Variants in CECR2 observed in about 807,000 individuals in gnomAD.
CECR2 encodes the protein CECR2 histone acetyl-lysine reader.
In CECR2, 30 loss-of-function variants were observed where a neutral mutation model predicts 154.5. The observed-to-expected ratio is 0.19, with a 90% CI of 0.15 to 0.26. The LOEUF (loss-of-function observed/expected upper bound fraction) is 0.26. CECR2 is among the 10% of genes least tolerant of loss of function. The probability of loss-of-function intolerance (pLI) is 1.00; values close to 1 mark genes in which losing one functional copy is unlikely to be tolerated. For synonymous variants in CECR2, 725 were observed against 683.7 expected, an observed-to-expected ratio of 1.06 and a Z score of -0.94; for missense variants, 1,743 against 1,829.3, an observed-to-expected ratio of 0.95 and a Z score of 0.86.
Position 17,515,820 on chromosome 22 carries a change from C to T in CECR2, c.954+3924C>T, listed in dbSNP as rs541602012. ...CCTCCCAAGTAGCTGGGACTACAGG[C>T]GCCCGCCACCACGCCCGGCTAATTC... On this transcript the variant is annotated intron_variant, in intron 8 of 18. Coordinates refer to ENST00000262608, the MANE Select transcript of CECR2 (RefSeq NM_001290047.2). Among the ~76,000 whole-genome samples the T allele has an allele frequency of 8.6e-4, 131 of 152,194 alleles. 1 individual carries two copies. Among genetic ancestry groups the T allele is most frequent in the African/African-American group, 2.9e-3 (122 of 41,500 alleles).
At chr22:17,461,142 A>G (rs2054931589) in intron 1 of CECR2, among the ~76,000 whole-genome samples, 1 of 152,180 alleles carries the variant, frequency 6.6e-6, no homozygotes, top group Non-Finnish European at 1.5e-5. Context: ...ATTTGTAGAA[A>G]TGGGACGTTC....
At chr22:17,390,534 A>G (rs954576755) in intron 1 of CECR2, among the ~76,000 whole-genome samples, 1 of 152,226 alleles carries the variant, frequency 6.6e-6, no homozygotes. Flanking sequence ...TGCCTGAATC[A>G]GTGATTACAT....
intron 1 of CECR2, among the ~76,000 whole-genome samples, chr22:17,445,797 T>C (rs953905341): frequency 2.6e-5 from 4 of 152,012 alleles, no homozygotes; most frequent in African/African-American, 4.8e-5. Context: ...TTTGCCATGT[T>C]GGCCAGGCTG....
rs576076201 is a variant in CECR2 at position 17,515,591 on chromosome 22, C to A, written c.954+3695C>A. On this transcript the variant is annotated intron_variant, in intron 8 of 18. Coordinates refer to ENST00000262608, the MANE Select transcript of CECR2 (RefSeq NM_001290047.2). ...ATACATTTCAAGAATTGTTTAAATT[C>A]TGATACCCAGATTTAAGCGTGTGAA... 2.0e-5 allele frequency among the ~76,000 whole-genome samples: 3 copies of A among 152,166 alleles called. 1 individual carries two copies. Among genetic ancestry groups the A allele is most frequent in the African/African-American group, 7.2e-5 (3 of 41,512 alleles).
chr22:17,486,551 G>C (rs2055424481), intron 2 of CECR2, among the ~76,000 whole-genome samples: 1 of 152,206 alleles, frequency 6.6e-6, no homozygotes, highest in South Asian at 2.1e-4. Context: ...AGCCCACATG[G>C]CTGGGAACGC....
At chr22:17,422,437 A>T (rs986427687) in intron 1 of CECR2, among the ~76,000 whole-genome samples, 1 of 152,112 alleles carries the variant, frequency 6.6e-6, no homozygotes, top group Non-Finnish European at 1.5e-5. Flanking sequence ...GACCTCACTC[A>T]GGTGATCCGC....
At chr22:17,478,139 G>A (rs908372692) in intron 2 of CECR2, among the ~76,000 whole-genome samples, 5 of 152,052 alleles carry the variant, frequency 3.3e-5, no homozygotes, top group African/African-American at 7.2e-5. Context: ...GTGATGTATG[G>A]AGACAAATAA....
intron 1 of CECR2, among the ~76,000 whole-genome samples, chr22:17,434,139 T>G (rs1350843457): frequency 1.3e-5 from 2 of 152,058 alleles, no homozygotes; most frequent in Non-Finnish European, 2.9e-5. Flanking sequence ...TTTCTGTCCA[T>G]GAGGGTAAAA....
intron 1 of CECR2, among the ~76,000 whole-genome samples, chr22:17,431,915 A>G (rs1241419750): frequency 6.6e-6 from 1 of 152,122 alleles, no homozygotes; most frequent in Admixed American, 6.6e-5. Flanking sequence ...TCAACACCCC[A>G]AACCTTTCAG....
rs1159139123 is a variant in CECR2, at chr22:17,543,721, G to GGCTAATTTTTATA, written c.2860+719_2860+731dup. Among the ~76,000 whole-genome samples, 12 of 151,566 alleles carry GGCTAATTTTTATA rather than the reference G, an allele frequency of 7.9e-5. No individual in the cohort carries two copies. The East Asian group carries it at 2.1e-3, about 27-fold the overall frequency. Reference sequence around the variant, plus strand: ...ATTACAGATGCATGCCACCACACCCGGCTAATTTTTATATTTTTAGTACAG... The same window carrying GGCTAATTTTTATA: ...ATTACAGATGCATGCCACCACACCCGGCTAATTTTTATAGCTAATTTTTATATTTTTAGTACAG... On this transcript the variant is annotated intron_variant, in intron 16 of 18. Coordinates refer to ENST00000262608, the MANE Select transcript of CECR2 (RefSeq NM_001290047.2).
At chr22:17,546,337 A>G (rs529785735) in intron 16 of CECR2, among the ~76,000 whole-genome samples, 1 of 151,902 alleles carries the variant, frequency 6.6e-6, no homozygotes, top group Admixed American at 6.6e-5. Flanking sequence ...AATACAAAAA[A>G]TTAGCCAGCA....
intron 1 of CECR2, among the ~76,000 whole-genome samples, chr22:17,470,392 CAAAAA>C (rs5844313): frequency 1.0e-5 from 1 of 99,842 alleles, no homozygotes; most frequent in Admixed American, 1.1e-4. Flanking sequence ...GACTCCGTCT[CAAAAA>C]AAAAAAAAAA....
intron 1 of CECR2, among the ~76,000 whole-genome samples, chr22:17,429,571 G>GA (rs2054390194): frequency 7.0e-6 from 1 of 141,868 alleles, no homozygotes; most frequent in Non-Finnish European, 1.5e-5. Flanking sequence ...GAAAAGAAAA[G>GA]AAAAAAGAGA....
At chr22:17,386,094 T>C (rs1164844606) in intron 1 of CECR2, among the ~76,000 whole-genome samples, 1 of 152,210 alleles carries the variant, frequency 6.6e-6, no homozygotes, top group Non-Finnish European at 1.5e-5. Flanking sequence ...CATACGGTGG[T>C]ACCACTCATG....
chr22:17,406,888 G>A (rs952488832), intron 1 of CECR2, among the ~76,000 whole-genome samples: 2 of 152,082 alleles, frequency 1.3e-5, no homozygotes, highest in African/African-American at 4.8e-5. Flanking sequence ...TTACTGCCTG[G>A]CATGCCTGGG....
At chr22:17,477,850 T>G (rs1197126802) in intron 2 of CECR2, among the ~76,000 whole-genome samples, 168 bp downstream of exon 2, 6 of 152,354 alleles carry the variant, frequency 3.9e-5, no homozygotes, top group Non-Finnish European at 8.8e-5. Context: ...TGGCTTATTC[T>G]GCAGTTGGGT....
chr22:17,501,905 G>T (rs1302090654), intron 5 of CECR2, among the ~76,000 whole-genome samples: 1 of 152,066 alleles, frequency 6.6e-6, no homozygotes, highest in Non-Finnish European at 1.5e-5. Context: ...TTAGAGCTGT[G>T]TGTGTAAGCC....
rs558761136 is a variant in CECR2 at position 17,413,688 on chromosome 22, A to T, written c.126+43779A>T. 6.7e-3 allele frequency among the ~76,000 whole-genome samples: 1,011 copies of T among 151,540 alleles called. 15 individuals carry two copies. The highest frequency in any genetic ancestry group is 0.022 in the African/African-American group (900 of 41,202). On this transcript the variant is annotated intron_variant, in intron 1 of 18. Coordinates refer to ENST00000262608, the MANE Select transcript of CECR2 (RefSeq NM_001290047.2). ...GATTATTATTATTATTATTATTATT[A>T]TTTTTTGAGATGGAGTCTTGCTCTG...
At chr22:17,449,023 C>T (rs1361874905) in intron 1 of CECR2, among the ~76,000 whole-genome samples, 4 of 151,880 alleles carry the variant, frequency 2.6e-5, no homozygotes, top group African/African-American at 4.8e-5. Flanking sequence ...GGACCACAGG[C>T]GGCAACTACC....
Sources: gnomAD v4.1 joint callset for allele counts (sites outside exome capture counted in the v4.1 genomes callset) on GRCh38, gnomAD v4.1.1 for gene constraint, MANE v1.5 for transcripts, NCBI Gene and HGNC (gene_info 2026-07-23, HGNC 2026-07-21) for gene names.